Variants in KLHL29 observed in about 807,000 individuals in gnomAD.
KLHL29 encodes the protein kelch-like protein 29.
KLHL29 carries 21 observed loss-of-function variants against 80.4 expected under a neutral mutation model. That is an observed-to-expected ratio of 0.26 (90% CI 0.19 to 0.38). The LOEUF is 0.38. Among genes scored for constraint, KLHL29 ranks in the 10% least tolerant of loss-of-function variants. The pLI is 1.00. For synonymous variants in KLHL29, 511 were observed against 526.8 expected, an observed-to-expected ratio of 0.97 and a Z score of 0.41; for missense variants, 867 against 1,223.9, an observed-to-expected ratio of 0.71 and a Z score of 4.35.
At chr2:23,474,719 A>G (rs1026717457) in intron 1 of KLHL29, among the ~76,000 whole-genome samples, 3 of 152,146 alleles carry the variant, frequency 2.0e-5, no homozygotes, top group Admixed American at 6.5e-5. Context: ...TGAGTTTACA[A>G]TAACTTATTT....
chr2:23,522,925 TTG>T (rs1166308585), intron 2 of KLHL29, among the ~76,000 whole-genome samples: 1 of 152,148 alleles, frequency 6.6e-6, no homozygotes, highest in Non-Finnish European at 1.5e-5. Flanking sequence ...GGACTCGACT[TTG>T]TCAGTGCCCT....
chr2:23,640,646 G>A (rs956522614), intron 4 of KLHL29, among the ~76,000 whole-genome samples: 2 of 152,184 alleles, frequency 1.3e-5, no homozygotes, highest in African/African-American at 4.8e-5. Flanking sequence ...TTGGCTTCCA[G>A]TTCTCCCCGA....
intron 1 of KLHL29, among the ~76,000 whole-genome samples, chr2:23,428,584 T>C (rs1572505007): frequency 6.6e-6 from 1 of 152,130 alleles, no homozygotes; most frequent in African/African-American, 2.4e-5. Flanking sequence ...GCAAGAAAGG[T>C]ACCTTGTTTA....
At chr2:23,703,554 A>G (rs2149227580) in intron 12 of KLHL29, among the ~76,000 whole-genome samples, 165 bp from the exon 13 acceptor site, 1 of 152,322 alleles carries the variant, frequency 6.6e-6, no homozygotes, top group South Asian at 2.1e-4. Context: ...GGGGCAAGTG[A>G]GTCAAGGCTC....
intron 5 of KLHL29, among the ~76,000 whole-genome samples, chr2:23,656,939 A>G (rs2149167131): frequency 6.6e-6 from 1 of 152,126 alleles, no homozygotes; most frequent in African/African-American, 2.4e-5. Flanking sequence ...CAGGAAAAAA[A>G]AAAAAAAAAA....
intron 1 of KLHL29, among the ~76,000 whole-genome samples, chr2:23,394,305 A>G (rs968156582): frequency 1.3e-5 from 2 of 152,200 alleles, no homozygotes; most frequent in Non-Finnish European, 1.5e-5. Context: ...TTAAGGATAT[A>G]TATTCAGCTC....
chr2:23,619,508 G>A (rs1229074757), intron 3 of KLHL29, among the ~76,000 whole-genome samples: 1 of 152,194 alleles, frequency 6.6e-6, no homozygotes, highest in Non-Finnish European at 1.5e-5. Flanking sequence ...TGACACTGAT[G>A]TGAGGAAATT....
chr2:23,499,631 G>A (rs1665376655), intron 2 of KLHL29, among the ~76,000 whole-genome samples: 1 of 152,228 alleles, frequency 6.6e-6, no homozygotes, highest in Admixed American at 6.5e-5. Context: ...GTTTGAGGCG[G>A]GAAGAGGAGA....
chr2:23,394,674 C>T (rs1558322272), intron 1 of KLHL29, among the ~76,000 whole-genome samples: 1 of 152,220 alleles, frequency 6.6e-6, no homozygotes, highest in Non-Finnish European at 1.5e-5. Flanking sequence ...ACATTGCTCA[C>T]TGATTATCAC....
chr2:23,429,879 C>CTT (rs59979441), intron 1 of KLHL29, among the ~76,000 whole-genome samples: 76,872 of 151,864 alleles, frequency 0.51, 20,735 homozygotes, highest in African/African-American at 0.71. Context: ...CTTCTAGTGA[C>CTT]TTTAAATTTA....
chr2:23,630,478 T>G (rs1160256149), intron 3 of KLHL29, among the ~76,000 whole-genome samples: 1 of 151,390 alleles, frequency 6.6e-6, no homozygotes, highest in Admixed American at 6.6e-5. Flanking sequence ...ATGCCCTGAG[T>G]TTTTTTTGTT....
At chr2:23,626,908 C>T (rs1669323358) in intron 3 of KLHL29, among the ~76,000 whole-genome samples, 1 of 152,162 alleles carries the variant, frequency 6.6e-6, no homozygotes, top group African/African-American at 2.4e-5. Flanking sequence ...TGTCTGGGAT[C>T]CCATCTCCAA....
chr2:23,586,918 C>T (rs1301590144), intron 3 of KLHL29, among the ~76,000 whole-genome samples: 1 of 152,158 alleles, frequency 6.6e-6, no homozygotes. Context: ...GGGAGTATCT[C>T]GCAAGCCTCA....
chr2:23,582,663 C>A (rs561063898), intron 3 of KLHL29, among the ~76,000 whole-genome samples: 1 of 152,306 alleles, frequency 6.6e-6, no homozygotes, highest in Admixed American at 6.5e-5. Flanking sequence ...TACAATTTCC[C>A]AGTTCCACTC....
intron 3 of KLHL29, among the ~76,000 whole-genome samples, chr2:23,633,673 A>G (rs1157327852): frequency 6.6e-6 from 1 of 152,072 alleles, no homozygotes; most frequent in Non-Finnish European, 1.5e-5. Flanking sequence ...ACCAAGGCAG[A>G]AGCCTCAAGG....
At chr2:23,525,346 CTTCTT>C (rs1201727718) in intron 2 of KLHL29, among the ~76,000 whole-genome samples, 1 of 152,250 alleles carries the variant, frequency 6.6e-6, no homozygotes, top group African/African-American at 2.4e-5. Context: ...GAATTTATTT[CTTCTT>C]TTCTTGTTTT....
intron 1 of KLHL29, among the ~76,000 whole-genome samples, chr2:23,452,411 C>T (rs1663909171): frequency 6.6e-6 from 1 of 152,054 alleles, no homozygotes; most frequent in Non-Finnish European, 1.5e-5. Context: ...CCTCCAGGGT[C>T]CAATGCCTCC....
intron 2 of KLHL29, among the ~76,000 whole-genome samples, chr2:23,488,720 G>A (rs11677730): frequency 0.25 from 38,200 of 152,050 alleles, 5,096 homozygotes; most frequent in African/African-American, 0.31. Flanking sequence ...AGGGAGTGTC[G>A]CCTACACAAA....
In KLHL29 at chr2:23,696,088, G is replaced by A; in HGVS notation, c.1879G>A (p.Glu627Lys). The A allele has an allele frequency of 6.4e-7, 1 of 1,551,786 alleles. No individual in the cohort carries two copies. The highest frequency in any genetic ancestry group is 8.7e-7 in the Non-Finnish European group (1 of 1,147,034). Residue 627 changes from glutamate (E) to lysine (K), a missense_variant, in exon 10 of 14, where the codon GAG (glutamate) becomes AAG (lysine). Around this residue, in one of 2 missense-constraint regions of KLHL29, gnomAD observed 443 missense variants for 767.0 expected, o/e 0.58. Transcript: ENST00000486442. The surrounding 1 kb of genome is among the most constrained non-coding windows in gnomAD (Gnocchi z 5.5). The stretch of plus-strand genomic sequence containing the variant: ...GGCCTCGCTGCCCTTCTATGACCGC[G>A]AGTTCTTCAGTGTAGTGAGTGCAGG... Reference protein sequence around the residue: ...PLASLPFYDREFFSVVSAGDN... With the variant: ...PLASLPFYDRKFFSVVSAGDN...
Sources: gnomAD v4.1 joint callset for allele counts (sites outside exome capture counted in the v4.1 genomes callset) on GRCh38, gnomAD v4.1.1 for gene constraint, gnomAD v4.1.1 regional missense constraint, Gnocchi (gnomAD v3.1) non-coding constraint, MANE v1.5 for transcripts, NCBI Gene and HGNC (gene_info 2026-07-23, HGNC 2026-07-21) for gene names.